The following TAFA1 variants were observed in gnomAD, a reference collection of about 807,000 sequenced individuals.
TAFA1 encodes TAFA chemokine like family member 1, also known as chemokine-like protein TAFA-1.
A neutral mutation model predicts 18.5 loss-of-function variants in TAFA1; 4 were observed. That is an observed-to-expected ratio of 0.22 (90% confidence interval 0.11 to 0.49). The LOEUF (loss-of-function observed/expected upper bound fraction) is 0.49, where lower values mean the gene tolerates loss of function less well. TAFA1 is among the 20% of genes least tolerant of loss of function. The pLI, the probability that TAFA1 is intolerant of heterozygous loss-of-function variation, is 0.98. For missense variants in TAFA1, 147 were observed against 169.0 expected, an observed-to-expected ratio of 0.87 and a Z score of 0.72; for synonymous variants, 56 against 55.2, an observed-to-expected ratio of 1.01 and a Z score of -0.06.
chr3:68,285,821 A>G (rs1480315359), intron 2 of TAFA1, among the ~76,000 whole-genome samples: 1 of 152,228 alleles, frequency 6.6e-6, no homozygotes, highest in African/African-American at 2.4e-5. Flanking sequence ...AAATATTTCA[A>G]CCAACAACGT....
intron 2 of TAFA1, among the ~76,000 whole-genome samples, chr3:68,300,630 G>T (rs747208680): frequency 6.6e-6 from 1 of 152,084 alleles, no homozygotes; most frequent in Non-Finnish European, 1.5e-5. Flanking sequence ...GGCCAGGGCA[G>T]AATTCTATGG....
At chr3:68,164,410 T>C (rs1056281481) in intron 2 of TAFA1, among the ~76,000 whole-genome samples, 2 of 152,226 alleles carry the variant, frequency 1.3e-5, no homozygotes, top group Non-Finnish European at 2.9e-5. Context: ...TTCATAGTGG[T>C]GTCATCAGGC....
intron 3 of TAFA1, among the ~76,000 whole-genome samples, chr3:68,488,109 A>G (rs1044049631): frequency 1.3e-5 from 2 of 152,196 alleles, no homozygotes; most frequent in African/African-American, 4.8e-5. Flanking sequence ...CTAATAGGAT[A>G]GATGTATACG....
At chr3:68,180,956 T>A (rs2066190418) in intron 2 of TAFA1, among the ~76,000 whole-genome samples, 1 of 152,220 alleles carries the variant, frequency 6.6e-6, no homozygotes, top group African/African-American at 2.4e-5. Context: ...TTGCTGGCAC[T>A]CTTGGTCTTC....
intron 2 of TAFA1, among the ~76,000 whole-genome samples, chr3:68,230,262 C>A (rs6801507): frequency 2.6e-5 from 4 of 151,694 alleles, no homozygotes; most frequent in Admixed American, 1.3e-4. Flanking sequence ...TTTATCCCCC[C>A]CTGCAACCCC....
At chr3:68,259,084 G>A (rs932987602) in intron 2 of TAFA1, among the ~76,000 whole-genome samples, 4 of 152,184 alleles carry the variant, frequency 2.6e-5, no homozygotes, top group African/African-American at 9.6e-5. Flanking sequence ...GACTCAGTGA[G>A]TGTGGGGTGA....
chr3:68,079,124 G>A (rs36141471), intron 2 of TAFA1, among the ~76,000 whole-genome samples: 1 of 152,162 alleles, frequency 6.6e-6, no homozygotes, highest in African/African-American at 2.4e-5. Flanking sequence ...ATTCTCTGAT[G>A]GTAGTTTGTA....
intron 2 of TAFA1, among the ~76,000 whole-genome samples, chr3:68,358,891 C>CTCAGT (rs1559632367): frequency 6.6e-6 from 1 of 151,300 alleles, no homozygotes; most frequent in Non-Finnish European, 1.5e-5. Flanking sequence ...CTGTTTCCAG[C>CTCAGT]CTACCTAAGA....
At chr3:68,127,256 G>T (rs2065474794) in intron 2 of TAFA1, among the ~76,000 whole-genome samples, 1 of 152,074 alleles carries the variant, frequency 6.6e-6, no homozygotes, top group Non-Finnish European at 1.5e-5. Flanking sequence ...CTTGTTTAAT[G>T]ACTAATAATA....
rs192540613 is a variant in TAFA1 at position 68,065,608 on chromosome 3, G to A, written c.118+58864G>A. Reference sequence around the variant, plus strand: ...AGAACTCACAAGGGAGCCAGTGAAAGTGCTGGAGAGTACAAATTGTGAGTG... The same window carrying A: ...AGAACTCACAAGGGAGCCAGTGAAAATGCTGGAGAGTACAAATTGTGAGTG... On this transcript the variant is annotated intron_variant, in intron 2 of 4. Transcript: ENST00000478136. 2.8e-3 allele frequency among the ~76,000 whole-genome samples: 419 copies of A among 152,170 alleles called. 3 individuals are homozygous for A. The highest frequency in any genetic ancestry group is 9.7e-3 in the African/African-American group (402 of 41,522).
At chr3:67,992,792 T>C in the TAFA1 span, among the ~76,000 whole-genome samples, 1 of 152,198 alleles carries the variant, frequency 6.6e-6, no homozygotes, top group Admixed American at 6.5e-5. Context: ...CTCTTTCTCT[T>C]GTGGGTATGA....
intron 2 of TAFA1, among the ~76,000 whole-genome samples, chr3:68,363,677 T>C (rs752558672): frequency 2.6e-5 from 4 of 152,212 alleles, no homozygotes; most frequent in Non-Finnish European, 5.9e-5. Flanking sequence ...AAATGCATCC[T>C]GCCTGATTTT....
chr3:68,377,114 T>C (rs565478366), intron 2 of TAFA1, among the ~76,000 whole-genome samples: 3 of 152,300 alleles, frequency 2.0e-5, no homozygotes, highest in Admixed American at 6.5e-5. Flanking sequence ...TTCTTTATAG[T>C]AGTGTGAAAA....
At chr3:68,146,105 T>C (rs1442036463) in intron 2 of TAFA1, among the ~76,000 whole-genome samples, 6 of 152,200 alleles carry the variant, frequency 3.9e-5, no homozygotes, top group Non-Finnish European at 8.8e-5. Flanking sequence ...GTCAGAATGA[T>C]GGAACTTTGG....
intron 2 of TAFA1, among the ~76,000 whole-genome samples, chr3:68,382,247 G>T (rs1322689264): frequency 6.6e-6 from 1 of 152,046 alleles, no homozygotes; most frequent in African/African-American, 2.4e-5. Context: ...TCTCCTTTTT[G>T]TTGTGTCTCT....
chr3:68,176,495 T>C (rs896998830), intron 2 of TAFA1, among the ~76,000 whole-genome samples: 2 of 152,068 alleles, frequency 1.3e-5, no homozygotes, highest in African/African-American at 4.8e-5. Context: ...AATAATAAAG[T>C]TTACAGATCA....
At chr3:68,214,843 T>A (rs2066635654) in intron 2 of TAFA1, among the ~76,000 whole-genome samples, 1 of 152,026 alleles carries the variant, frequency 6.6e-6, no homozygotes. Flanking sequence ...TTTTAAATAA[T>A]ACACATCAAT....
chr3:68,210,843 A>G (rs1417298873), intron 2 of TAFA1, among the ~76,000 whole-genome samples: 1 of 152,050 alleles, frequency 6.6e-6, no homozygotes, highest in Non-Finnish European at 1.5e-5. Flanking sequence ...AGTTTCCAGT[A>G]CTGGCTTTGT....
At chr3:68,074,332 G>C (rs1242000249) in intron 2 of TAFA1, among the ~76,000 whole-genome samples, 2 of 152,238 alleles carry the variant, frequency 1.3e-5, no homozygotes, top group East Asian at 3.9e-4. Context: ...GATAGGCTGT[G>C]GACTGGTACT....
Sources: allele counts gnomAD v4.1 joint callset (sites outside exome capture counted in the v4.1 genomes callset), GRCh38; gene constraint gnomAD v4.1.1; transcripts MANE v1.5; gene names NCBI Gene and HGNC (gene_info 2026-07-23, HGNC 2026-07-21).